RGS6: variants seen among roughly 807,000 people sequenced by gnomAD.
RGS6 encodes regulator of G-protein signaling 6.
A neutral mutation model predicts 78.5 loss-of-function variants in RGS6; 30 were observed. The ratio of observed to expected loss-of-function variants is 0.38; its 90% CI spans 0.29 to 0.52. RGS6 has a LOEUF of 0.52. Ranked by LOEUF, RGS6 falls within the 20% of genes least tolerant of loss-of-function variation. The pLI, the probability that RGS6 is intolerant of heterozygous loss-of-function variation, is 0.85. For synonymous variants in RGS6, 206 were observed against 206.0 expected (o/e 1.00, Z 0.00); for missense variants, 495 against 609.7 (o/e 0.81, Z 1.98).
chr14:71,913,121 CT>C, the RGS6 span, among the ~76,000 whole-genome samples: 2 of 152,190 alleles, frequency 1.3e-5, no homozygotes, highest in Admixed American at 6.5e-5. Flanking sequence ...GCCACCGCGC[CT>C]GGCCTACAGT....
intron 2 of RGS6, among the ~76,000 whole-genome samples, chr14:72,009,736 C>G (rs1264830456): frequency 6.6e-6 from 1 of 152,178 alleles, no homozygotes; most frequent in Non-Finnish European, 1.5e-5. Flanking sequence ...TGTTGAGGCA[C>G]TGAGTTTTGG....
Position 72,323,315 on chromosome 14 carries a change from C to G in RGS6, c.85-28780C>G, listed in dbSNP as rs536643342. On this transcript the variant is annotated intron_variant, in intron 2 of 17. Transcript: ENST00000553525. ...TAACAAGAAATGTGCCCAAATTACA[C>G]AAATAAAATTTTTAAATGCTACTGA... Among the ~76,000 whole-genome samples the G allele has an allele frequency of 7.3e-5, 11 of 151,530 alleles. 2 individuals carry two copies. The highest frequency in any genetic ancestry group is 2.7e-4 in the African/African-American group (11 of 41,328).
At chr14:72,278,065 G>T (rs185710999) in intron 2 of RGS6, among the ~76,000 whole-genome samples, 1,892 of 152,240 alleles carry the variant, frequency 0.012, 29 homozygotes, top group African/African-American at 0.043. Flanking sequence ...TTGATAGGAG[G>T]ATGGGGCAGA....
chr14:72,569,809 T>A (rs1488863525), downstream of RGS6, among the ~76,000 whole-genome samples: 1 of 152,192 alleles, frequency 6.6e-6, no homozygotes. Flanking sequence ...GGTAGCACAT[T>A]GCTCAGCCTT....
intron 2 of RGS6, among the ~76,000 whole-genome samples, chr14:72,099,915 G>A (rs1597544370): frequency 1.3e-5 from 2 of 152,136 alleles, no homozygotes; most frequent in East Asian, 1.9e-4. Flanking sequence ...GTATTACTGT[G>A]TGAGTGATGG....
chr14:71,937,183 C>G (rs1384947950), intron 1 of RGS6, among the ~76,000 whole-genome samples: 1 of 152,160 alleles, frequency 6.6e-6, no homozygotes, highest in Non-Finnish European at 1.5e-5. Flanking sequence ...TCTTCTTAGC[C>G]TGTTGACTGA....
chr14:72,622,820 G>A, the RGS6 span, among the ~76,000 whole-genome samples: 1 of 152,120 alleles, frequency 6.6e-6, no homozygotes, highest in East Asian at 1.9e-4. Context: ...CCCTGACCAT[G>A]TGAGAGGAAT....
chr14:72,609,049 T>G, the RGS6 span, among the ~76,000 whole-genome samples: 8 of 152,218 alleles, frequency 5.3e-5, no homozygotes, highest in Non-Finnish European at 1.0e-4. Flanking sequence ...TTAAAGCCTT[T>G]TATTTGTTTA....
chr14:72,277,168 T>C (rs1420107061), intron 2 of RGS6, among the ~76,000 whole-genome samples: 1 of 152,212 alleles, frequency 6.6e-6, no homozygotes, highest in African/African-American at 2.4e-5. Context: ...GTGCTGGAGC[T>C]GGGCTCTTCC....
At chr14:72,279,981 G>T (rs924613842) in intron 2 of RGS6, among the ~76,000 whole-genome samples, 1 of 152,084 alleles carries the variant, frequency 6.6e-6, no homozygotes, top group South Asian at 2.1e-4. Flanking sequence ...TTTATTTCAC[G>T]GACTCAATGA....
At chr14:72,492,693 A>G (rs1487482510) in intron 12 of RGS6, among the ~76,000 whole-genome samples, 1 of 152,132 alleles carries the variant, frequency 6.6e-6, no homozygotes, top group African/African-American at 2.4e-5. Context: ...TCTGAGCCCC[A>G]ACAGACCCTC....
intron 2 of RGS6, among the ~76,000 whole-genome samples, chr14:72,242,242 G>A (rs2153826506): frequency 6.6e-6 from 1 of 152,262 alleles, no homozygotes; most frequent in African/African-American, 2.4e-5. Context: ...AGGGATTCAG[G>A]GGGAAGGCAT....
chr14:72,208,695 G>A lies in RGS6; in HGVS notation c.85-143400G>A, dbSNP rs376983545. Among the ~76,000 whole-genome samples, 144 of 152,248 alleles carry A rather than the reference G, an allele frequency of 9.5e-4. 2 individuals are homozygous for A. Among genetic ancestry groups the A allele is most frequent in the African/African-American group, 3.4e-3 (141 of 41,544 alleles). ...TACCTTGACTATTTCAGCATAACTT[G>A]TTCAATGCTACTGGTTTATCCAGGT... On this transcript the variant is annotated intron_variant, in intron 2 of 17. Transcript: ENST00000553525.
chr14:72,553,612 G>A (rs1031597077), intron 17 of RGS6, among the ~76,000 whole-genome samples: 3 of 152,152 alleles, frequency 2.0e-5, no homozygotes, highest in Non-Finnish European at 4.4e-5. Context: ...ATGATGCTGA[G>A]ATGAGTCCCT....
intron 3 of RGS6, among the ~76,000 whole-genome samples, chr14:72,416,867 C>G (rs1234991830): frequency 6.6e-6 from 1 of 152,202 alleles, no homozygotes; most frequent in African/African-American, 2.4e-5. Context: ...AATGTCTCAA[C>G]AACATGAGTC....
chr14:72,069,270 G>A (rs1168499503), intron 2 of RGS6, among the ~76,000 whole-genome samples: 2 of 152,124 alleles, frequency 1.3e-5, no homozygotes, highest in Non-Finnish European at 2.9e-5. Context: ...ACTGCACCTG[G>A]CTCTTTTTCT....
intron 2 of RGS6, among the ~76,000 whole-genome samples, chr14:72,188,176 G>A (rs1482942793): frequency 1.3e-5 from 2 of 152,078 alleles, no homozygotes; most frequent in Admixed American, 1.3e-4. Context: ...GAGTTGTAGT[G>A]CTGTTGCTGT....
chr14:72,508,560 TCC>T (rs1290224996), intron 13 of RGS6, among the ~76,000 whole-genome samples: 1 of 111,178 alleles, frequency 9.0e-6, no homozygotes, highest in Non-Finnish European at 1.7e-5. Context: ...GCACACAAGC[TCC>T]TTTTTTTTTT....
chr14:71,906,390 C>G, the RGS6 span, among the ~76,000 whole-genome samples: 1 of 152,186 alleles, frequency 6.6e-6, no homozygotes, highest in Non-Finnish European at 1.5e-5. Context: ...GTCTGATCTA[C>G]TTTAGGTCAG....
Sources: allele counts gnomAD v4.1 joint callset (sites outside exome capture counted in the v4.1 genomes callset), GRCh38; gene constraint gnomAD v4.1.1; transcripts MANE v1.5; gene names NCBI Gene and HGNC (gene_info 2026-07-23, HGNC 2026-07-21).